OMA1: variants seen among roughly 807,000 people sequenced by gnomAD.
OMA1 encodes OMA1 zinc metallopeptidase.
Under a neutral mutation model 30.9 loss-of-function variants are expected in OMA1, and 38 were observed. The ratio of observed to expected loss-of-function variants is 1.23; its 90% CI spans 0.95 to 1.61. OMA1 has a LOEUF of 1.61. Ranked by LOEUF, OMA1 falls within the 40% of genes most tolerant of loss-of-function variation. The pLI, the probability that OMA1 is intolerant of heterozygous loss-of-function variation, is 0.00. For synonymous variants in OMA1, 173 were observed against 121.9 expected, an observed-to-expected ratio of 1.42 and a Z score of -2.76; for missense variants, 461 against 349.2, an observed-to-expected ratio of 1.32 and a Z score of -2.55.
At chr1:58,528,730 C>T (rs1646388819) in intron 6 of OMA1, among the ~76,000 whole-genome samples, 2 of 152,154 alleles carry the variant, frequency 1.3e-5, no homozygotes, top group Non-Finnish European at 2.9e-5. Context: ...AACAGATGAA[C>T]CTCAGCAATT....
chr1:58,539,974 C>T (rs528700109), intron 1 of OMA1, among the ~76,000 whole-genome samples: 34 of 152,270 alleles, frequency 2.2e-4, no homozygotes, highest in Non-Finnish European at 4.0e-4. Flanking sequence ...GAATCCCCCT[C>T]CCATATTCAG....
At chr1:58,526,094 A>G (rs1204038677) in intron 7 of OMA1, among the ~76,000 whole-genome samples, 1 of 152,120 alleles carries the variant, frequency 6.6e-6, no homozygotes, top group African/African-American at 2.4e-5. Flanking sequence ...ACTGAGATAA[A>G]CAAAGATTTC....
chr1:58,544,729 G>A lies in OMA1; in HGVS notation c.-17+1974C>T, dbSNP rs114455030. On this transcript the variant is annotated intron_variant, in intron 1 of 8. Coordinates refer to ENST00000371226, the MANE Select transcript of OMA1 (RefSeq NM_145243.5). The stretch of plus-strand genomic sequence containing the variant: ...GTGCCTCAGTCTCCTCAGTAGCTGG[G>A]ATTACAAGCATGCATTACCACATCT... 4.2e-3 allele frequency among the ~76,000 whole-genome samples: 642 copies of A among 152,240 alleles called. 3 individuals are homozygous for A. The highest frequency in any genetic ancestry group is 0.015 in the African/African-American group (620 of 41,530).
At chr1:58,542,764 C>G (rs930609380) in intron 1 of OMA1, among the ~76,000 whole-genome samples, 2 of 152,174 alleles carry the variant, frequency 1.3e-5, no homozygotes, top group Admixed American at 1.3e-4. Flanking sequence ...TCCAAATGTG[C>G]ATCTTACAGC....
intron 1 of OMA1, among the ~76,000 whole-genome samples, chr1:58,543,961 G>A (rs1646662583): frequency 6.6e-6 from 1 of 152,152 alleles, no homozygotes; most frequent in African/African-American, 2.4e-5. Flanking sequence ...CAGTTAAATG[G>A]CCATATGTGG....
rs1312992061 is a variant in OMA1, at chr1:58,481,122, G to C, written c.1418C>G (p.Pro473Arg). The C allele has an allele frequency of 2.3e-6, 2 of 871,584 alleles. No homozygotes were observed. The highest frequency in any genetic ancestry group is 1.6e-5 in the African/African-American group (1 of 61,236). 54.0% of individuals were successfully genotyped at this position (871,584 alleles called of 1,614,324 possible). Residue 473 changes from proline (P) to arginine (R), a missense_variant, in exon 9 of 9, where the codon CCT (proline) becomes CGT (arginine). Coordinates refer to ENST00000371226, the MANE Select transcript of OMA1 (RefSeq NM_145243.5). ...CGTGCTGAGTTTGAATAGTAATCGA[G>C]GGTCTGGATTAGACAGTGGTGGACA... is the stretch of plus-strand genomic sequence containing the variant. ...CNCPPLSNPD[P>R]RLLFKLSTKH... is the part of the protein sequence containing the mutation.
intron 8 of OMA1, among the ~76,000 whole-genome samples, chr1:58,483,207 T>C (rs1166287421): frequency 3.3e-5 from 5 of 152,112 alleles, no homozygotes; most frequent in Non-Finnish European, 5.9e-5. Flanking sequence ...GTAAAGGGCC[T>C]TGTGTGAATG....
chr1:58,504,616 G>T (rs1179115671), intron 8 of OMA1, among the ~76,000 whole-genome samples: 1 of 151,964 alleles, frequency 6.6e-6, no homozygotes, highest in Non-Finnish European at 1.5e-5. Context: ...AGACTGTTTT[G>T]TTCCTTGCTC....
At chr1:58,520,890 C>CA (rs1346993539) in intron 7 of OMA1, among the ~76,000 whole-genome samples, 5 of 151,154 alleles carry the variant, frequency 3.3e-5, no homozygotes, top group African/African-American at 7.3e-5. Context: ...TTGATAACTA[C>CA]AAAAAAAAGG....
intron 7 of OMA1, among the ~76,000 whole-genome samples, chr1:58,522,739 G>A (rs1416612641): frequency 6.6e-6 from 1 of 152,140 alleles, no homozygotes; most frequent in East Asian, 1.9e-4. Context: ...TATGTTATAT[G>A]TATTATATAC....
chr1:58,489,697 G>A (rs1645643053), intron 8 of OMA1, among the ~76,000 whole-genome samples: 1 of 152,188 alleles, frequency 6.6e-6, no homozygotes, highest in African/African-American at 2.4e-5. Context: ...CCCCCCAGTA[G>A]GGGCAGACTG....
At chr1:58,541,805 C>T (rs1271419145) in intron 1 of OMA1, among the ~76,000 whole-genome samples, 1 of 152,022 alleles carries the variant, frequency 6.6e-6, no homozygotes, top group Non-Finnish European at 1.5e-5. Flanking sequence ...ATAAATAAAA[C>T]TCACTTTCAA....
At chr1:58,539,952 G>C (rs1426496789) in intron 1 of OMA1, among the ~76,000 whole-genome samples, 1 of 152,166 alleles carries the variant, frequency 6.6e-6, no homozygotes, top group Non-Finnish European at 1.5e-5. Context: ...AATAACTCTA[G>C]AGTTCTGCAG....
intron 8 of OMA1, 136 bp from the exon 9 acceptor site, chr1:58,481,310 T>C (rs1439208039): frequency 5.0e-6 from 2 of 398,596 alleles, no homozygotes; most frequent in Admixed American, 4.3e-5. Context: ...ATCTTGATTA[T>C]AACACATAAA....
chr1:58,534,167 G>T lies in OMA1; in HGVS notation c.894C>A (p.Phe298Leu). 1 of 871,044 alleles carries T rather than the reference G, an allele frequency of 1.1e-6. No individual in the cohort carries two copies. Among genetic ancestry groups the T allele is most frequent in the East Asian group, 2.4e-5 (1 of 41,632 alleles). The allele number at this position is 871,044 out of a possible 1,614,324, so 54.0% of individuals were successfully genotyped here. A position where few individuals can be genotyped will look rare whatever the true frequency, so the allele number is the denominator to read the frequency against. Residue 298 changes from phenylalanine (F) to leucine (L), a missense_variant, in exon 4 of 9, where the codon TTC becomes TTA. By Grantham distance (22) the Phe-to-Leu change is conservative (BLOSUM62 0). Coordinates refer to ENST00000371226, the MANE Select transcript of OMA1 (RefSeq NM_145243.5). Reference sequence around the variant, plus strand: ...GAGAACATTTACTTACTGGAAGCACGAAGGCATTAATAATTGGGGAATCAA... The same window carrying T: ...GAGAACATTTACTTACTGGAAGCACTAAGGCATTAATAATTGGGGAATCAA... ...HVVDSPIINA[F>L]VLPNGQMFVF...
At chr1:58,504,126 G>A (rs903562650) in intron 8 of OMA1, among the ~76,000 whole-genome samples, 1 of 152,086 alleles carries the variant, frequency 6.6e-6, no homozygotes, top group Non-Finnish European at 1.5e-5. Flanking sequence ...TAAAACATGA[G>A]TCAAATCAAG....
rs537613732 is a variant in OMA1 at position 58,546,723 on chromosome 1, T to C, written c.-37A>G. ...CTGACTCAAGCAGAAGCGAAAGCGG[T>C]GACACCGCAGACCCGACCTATGCGC... On this transcript the variant is annotated 5_prime_UTR_variant, in exon 1 of 9. Coordinates refer to ENST00000371226, the MANE Select transcript of OMA1 (RefSeq NM_145243.5). The C allele has an allele frequency of 5.9e-5, 9 of 151,924 alleles. No homozygotes were observed. Among genetic ancestry groups the C allele is most frequent in the Admixed American group, 4.6e-4 (7 of 15,280 alleles). 9.4% of individuals were successfully genotyped at this position (151,924 alleles called of 1,614,324 possible).
intron 7 of OMA1, among the ~76,000 whole-genome samples, chr1:58,508,446 G>A (rs1241434499): frequency 6.6e-6 from 1 of 152,138 alleles, no homozygotes; most frequent in Non-Finnish European, 1.5e-5. Context: ...TAGGTGCAAT[G>A]CTTCTGCACC....
intron 8 of OMA1, among the ~76,000 whole-genome samples, chr1:58,489,254 A>G (rs1371625644): frequency 2.6e-5 from 4 of 152,054 alleles, no homozygotes; most frequent in Admixed American, 1.3e-4. Flanking sequence ...TAATACTGCA[A>G]TTTTCCGACG....
Sources: allele counts gnomAD v4.1 joint callset (sites outside exome capture counted in the v4.1 genomes callset), GRCh38; gene constraint gnomAD v4.1.1; transcripts MANE v1.5; gene names NCBI Gene and HGNC (gene_info 2026-07-23, HGNC 2026-07-21).